SLC2A9: variants seen among roughly 807,000 people sequenced by gnomAD.
The protein encoded by SLC2A9 is solute carrier family 2, facilitated glucose transporter member 9.
In SLC2A9, 39 loss-of-function variants were observed where a neutral mutation model predicts 50.6. The observed-to-expected ratio is 0.77, with a 90% CI of 0.60 to 1.01. The LOEUF is 1.01. Among genes scored for constraint, SLC2A9 ranks in the 50% least tolerant of loss-of-function variants. The probability of loss-of-function intolerance (pLI) is 0.00; values close to 1 mark genes in which losing one functional copy is unlikely to be tolerated. For synonymous variants in SLC2A9, 324 were observed against 276.9 expected (o/e 1.17, Z -1.69); for missense variants, 686 against 677.6 (o/e 1.01, Z -0.14).
At chr4:9,938,060 C>T (rs921253398) in intron 6 of SLC2A9, among the ~76,000 whole-genome samples, 2 of 152,184 alleles carry the variant, frequency 1.3e-5, no homozygotes, top group Non-Finnish European at 2.9e-5. Context: ...CATAATGCTA[C>T]AATCATCTAT....
At chr4:9,972,169 A>C (rs1023643634) in intron 5 of SLC2A9, among the ~76,000 whole-genome samples, 38 of 152,198 alleles carry the variant, frequency 2.5e-4, no homozygotes, top group Non-Finnish European at 4.9e-4. Context: ...TGCAACCATT[A>C]GTATATTTCT....
At chr4:10,028,558 A>G (rs549096913) in intron 1 of SLC2A9, among the ~76,000 whole-genome samples, 1 of 148,394 alleles carries the variant, frequency 6.7e-6, no homozygotes, top group South Asian at 2.2e-4. Flanking sequence ...CTGCATAGAG[A>G]CCAATAATAA....
intron 3 of SLC2A9, among the ~76,000 whole-genome samples, chr4:9,819,705 GTGCAGACCACC>G (rs1724140124): frequency 6.6e-6 from 1 of 152,202 alleles, no homozygotes; most frequent in Non-Finnish European, 1.5e-5. Flanking sequence ...AGGCCAAGGC[GTGCAGACCACC>G]TGCAGTCAGG....
At chr4:10,021,602 C>T, upstream of SLC2A9, 1 of 929,480 alleles carries the variant, frequency 1.1e-6, no homozygotes, top group Non-Finnish European at 1.7e-6. Flanking sequence ...TTCTCTGCTC[C>T]TAAGTTATTA....
Position 9,907,039 on chromosome 4 carries a change from GA to G in SLC2A9, c.1113+1195del, listed in dbSNP as rs539588418. Among the ~76,000 whole-genome samples, 25 of 152,360 alleles carry G rather than the reference GA, an allele frequency of 1.6e-4. No individual in the cohort carries two copies. The South Asian group carries it at 4.6e-3, about 28-fold the overall frequency. On this transcript the variant is annotated intron_variant, in intron 8 of 11. Transcript: ENST00000264784. ...GAAATGTTCTGTCAACAAGAAGTCA[GA>G]AAGACAATTGCAAGCCTCTGCCTGT...
intron 11 of SLC2A9, among the ~76,000 whole-genome samples, chr4:9,833,151 T>G (rs1726451817): frequency 1.3e-5 from 2 of 152,138 alleles, no homozygotes; most frequent in African/African-American, 2.4e-5. Flanking sequence ...AGGTTTAAAG[T>G]CAATTGAAAA....
At chr4:10,019,157 G>C (rs552045737) in intron 1 of SLC2A9, 84 bp from the exon 2 acceptor site, 4 of 1,111,970 alleles carry the variant, frequency 3.6e-6, no homozygotes, top group East Asian at 2.6e-5. Flanking sequence ...CCCTCAGCTG[G>C]GGGAGGCCTT....
intron 1 of SLC2A9, among the ~76,000 whole-genome samples, chr4:10,039,845 T>C (rs1049285056): frequency 2.6e-5 from 4 of 152,190 alleles, no homozygotes; most frequent in Non-Finnish European, 4.4e-5. Context: ...TGCTCAGTTC[T>C]AGATTAAGCC....
intron 1 of SLC2A9, among the ~76,000 whole-genome samples, chr4:10,036,698 G>A (rs1764117694): frequency 6.6e-6 from 1 of 152,170 alleles, no homozygotes; most frequent in Admixed American, 6.5e-5. Flanking sequence ...ACACAGCTCT[G>A]TAGTGAGCAC....
At chr4:9,874,076 C>T (rs1040600818) in intron 10 of SLC2A9, among the ~76,000 whole-genome samples, 5 of 152,162 alleles carry the variant, frequency 3.3e-5, no homozygotes, top group Non-Finnish European at 7.3e-5. Context: ...TTTCCCTGCA[C>T]CCTGATGTCC....
intron 3 of SLC2A9, among the ~76,000 whole-genome samples, chr4:9,993,069 C>T (rs1757989375): frequency 6.6e-6 from 1 of 152,238 alleles, no homozygotes. Flanking sequence ...GATGTTGTGT[C>T]TTTCTTGTTC....
intron 11 of SLC2A9, among the ~76,000 whole-genome samples, chr4:9,827,614 T>C (rs1206664753): frequency 6.6e-6 from 1 of 152,234 alleles, no homozygotes. Flanking sequence ...TTACTAAATC[T>C]GAGACTCTTT....
chr4:10,027,832 T>C (rs1477808732), intron 1 of SLC2A9, among the ~76,000 whole-genome samples: 1 of 152,216 alleles, frequency 6.6e-6, no homozygotes, highest in Non-Finnish European at 1.5e-5. Flanking sequence ...CTTACATCTT[T>C]ATCTTTACAC....
intron 10 of SLC2A9, among the ~76,000 whole-genome samples, chr4:9,883,353 T>C (rs1047485558): frequency 1.3e-5 from 2 of 152,150 alleles, no homozygotes; most frequent in African/African-American, 4.8e-5. Flanking sequence ...CTTATGTTTG[T>C]CGTGGAACGA....
chr4:9,977,975 A>T (rs1038350086), intron 5 of SLC2A9, among the ~76,000 whole-genome samples: 3 of 152,236 alleles, frequency 2.0e-5, no homozygotes, highest in African/African-American at 7.2e-5. Flanking sequence ...CGCAAGTAAG[A>T]TGCCATCGAC....
At chr4:9,796,482 T>C (rs1386152885), downstream of SLC2A9, among the ~76,000 whole-genome samples, 1 of 152,204 alleles carries the variant, frequency 6.6e-6, no homozygotes, top group Non-Finnish European at 1.5e-5. Context: ...TCATGCCTCC[T>C]TATGCAGTGC....
chr4:9,837,288 G>A (rs1727259872), intron 10 of SLC2A9, among the ~76,000 whole-genome samples: 1 of 152,206 alleles, frequency 6.6e-6, no homozygotes, highest in African/African-American at 2.4e-5. Context: ...ATTGAACTGT[G>A]TGAGAATAAT....
Position 9,898,616 on chromosome 4 carries a change from C to T in SLC2A9, c.1114-7905G>A, listed in dbSNP as rs1336537522. Among the ~76,000 whole-genome samples the T allele has an allele frequency of 2.2e-4, 33 of 152,184 alleles. 1 individual carries two copies. Among genetic ancestry groups the T allele is most frequent in the Non-Finnish European group, 2.9e-5 (2 of 68,026 alleles). On this transcript the variant is annotated intron_variant, in intron 8 of 11. Coordinates refer to ENST00000264784, the MANE Select transcript of SLC2A9 (RefSeq NM_020041.3). Reference sequence around the variant, plus strand: ...GTGAGCCTTTTGGTCGTAGAAGATGCCCCATTCTCTGTGTCCAACTCCAGG... The same window carrying T: ...GTGAGCCTTTTGGTCGTAGAAGATGTCCCATTCTCTGTGTCCAACTCCAGG...
At chr4:9,797,066 A>T (rs1289124468), downstream of SLC2A9, among the ~76,000 whole-genome samples, 8 of 152,342 alleles carry the variant, frequency 5.3e-5, no homozygotes, top group Admixed American at 2.0e-4. Context: ...ATCTACCATT[A>T]ACATTTCTTG....
Sources: gnomAD v4.1 joint callset for allele counts (sites outside exome capture counted in the v4.1 genomes callset) on GRCh38, gnomAD v4.1.1 for gene constraint, MANE v1.5 for transcripts, NCBI Gene and HGNC (gene_info 2026-07-23, HGNC 2026-07-21) for gene names.